The following NRG3 variants were observed in gnomAD, a reference collection of about 807,000 sequenced individuals.
NRG3 encodes the protein neuregulin 3, also known as pro-neuregulin-3, membrane-bound isoform.
In NRG3, 31 loss-of-function variants were observed where a neutral mutation model predicts 66.9. That is an observed-to-expected ratio of 0.46 (90% CI 0.35 to 0.63). NRG3 has a LOEUF of 0.63. Among genes scored for constraint, NRG3 ranks in the 20% least tolerant of loss-of-function variants. The pLI is 0.00. For synonymous variants in NRG3, 393 were observed against 359.4 expected (o/e 1.09, Z -1.06); for missense variants, 910 against 878.9 (o/e 1.04, Z -0.45).
chr10:81,991,267 TC>T (rs1347319334), intron 1 of NRG3, among the ~76,000 whole-genome samples: 2 of 152,182 alleles, frequency 1.3e-5, no homozygotes, highest in Non-Finnish European at 2.9e-5. Context: ...ATATCTCTGA[TC>T]CTTTTTTGTT....
At chr10:82,802,043 G>A (rs148582121) in intron 3 of NRG3, among the ~76,000 whole-genome samples, 7 of 152,214 alleles carry the variant, frequency 4.6e-5, no homozygotes, top group Non-Finnish European at 1.0e-4. Context: ...CATTTAATTT[G>A]TTTCAAATAG....
intron 1 of NRG3, among the ~76,000 whole-genome samples, chr10:82,238,413 A>G (rs764624175): frequency 6.6e-6 from 1 of 152,162 alleles, no homozygotes; most frequent in Non-Finnish European, 1.5e-5. Flanking sequence ...TATTATCTCA[A>G]TTTTGCCAGT....
At chr10:82,297,764 G>A (rs1198065492) in intron 1 of NRG3, among the ~76,000 whole-genome samples, 2 of 152,100 alleles carry the variant, frequency 1.3e-5, no homozygotes, top group Non-Finnish European at 2.9e-5. Context: ...TAAGGCATAT[G>A]TGCTATTGCA....
intron 2 of NRG3, among the ~76,000 whole-genome samples, chr10:82,436,883 T>C (rs529963868): frequency 6.6e-6 from 1 of 152,318 alleles, no homozygotes; most frequent in Admixed American, 6.5e-5. Context: ...TTCTGGCTTA[T>C]AGAGTTTCTG....
At chr10:81,894,809 T>C (rs150569680) in intron 1 of NRG3, among the ~76,000 whole-genome samples, 201 of 152,198 alleles carry the variant, frequency 1.3e-3, no homozygotes, top group African/African-American at 4.7e-3. Flanking sequence ...TCCAAGGAAG[T>C]GTGGCCTATG....
intron 1 of NRG3, among the ~76,000 whole-genome samples, chr10:82,037,163 C>T (rs2062825228): frequency 6.6e-6 from 1 of 152,120 alleles, no homozygotes; most frequent in Admixed American, 6.6e-5. Context: ...ATCACTTCTT[C>T]ATCTGGTTGA....
intron 2 of NRG3, among the ~76,000 whole-genome samples, chr10:82,493,930 A>C (rs1404840415): frequency 6.6e-6 from 1 of 152,214 alleles, no homozygotes. Flanking sequence ...TGGGCAAAAG[A>C]CATGAACAAA....
chr10:82,846,532 G>A (rs1021743679), intron 3 of NRG3, among the ~76,000 whole-genome samples: 1 of 152,100 alleles, frequency 6.6e-6, no homozygotes, highest in Non-Finnish European at 1.5e-5. Context: ...AAAGAAGAAA[G>A]CTGTTTAATG....
chr10:82,171,156 G>A lies in NRG3; in HGVS notation c.824-187583G>A, dbSNP rs1489595820. On this transcript the variant is annotated intron_variant, in intron 1 of 8. Coordinates refer to ENST00000372141, the MANE Select transcript of NRG3 (RefSeq NM_001010848.4). ...ATTCAATCAATGTATTTGGTATGAAGTATTTCAAAAATAGAAGTCCCATTT... is the reference window on the plus strand; with the variant it reads ...ATTCAATCAATGTATTTGGTATGAAATATTTCAAAAATAGAAGTCCCATTT... 3.3e-5 allele frequency among the ~76,000 whole-genome samples: 5 copies of A among 151,922 alleles called. No individual in the cohort carries two copies. In the East Asian group the frequency reaches 9.7e-4, roughly 29 times the overall value.
chr10:82,208,245 T>C (rs568169955), intron 1 of NRG3, among the ~76,000 whole-genome samples: 1 of 152,280 alleles, frequency 6.6e-6, no homozygotes, highest in Admixed American at 6.5e-5. Flanking sequence ...TTGGACTATG[T>C]AACAATTACA....
At chr10:82,147,772 T>G (rs956025438) in intron 1 of NRG3, among the ~76,000 whole-genome samples, 1 of 152,222 alleles carries the variant, frequency 6.6e-6, no homozygotes, top group Non-Finnish European at 1.5e-5. Flanking sequence ...TACTAATTTA[T>G]TTCTGTGAAT....
At chr10:82,008,750 AT>A (rs562005859) in intron 1 of NRG3, among the ~76,000 whole-genome samples, 122 of 152,268 alleles carry the variant, frequency 8.0e-4, no homozygotes, top group African/African-American at 2.8e-3. Flanking sequence ...AAAGAAAAAA[AT>A]GTATTCATAA....
intron 3 of NRG3, among the ~76,000 whole-genome samples, chr10:82,830,803 G>A (rs1591653886): frequency 6.6e-6 from 1 of 152,110 alleles, no homozygotes; most frequent in African/African-American, 2.4e-5. Flanking sequence ...GTTATGCTAA[G>A]GTTGAGTTCC....
At chr10:82,375,427 C>T (rs1453435660) in intron 2 of NRG3, among the ~76,000 whole-genome samples, 1 of 151,896 alleles carries the variant, frequency 6.6e-6, no homozygotes, top group African/African-American at 2.4e-5. Context: ...GTCCCAGCTA[C>T]CAGGGAGGCT....
At chr10:81,890,035 G>A (rs925190526) in intron 1 of NRG3, among the ~76,000 whole-genome samples, 1 of 152,176 alleles carries the variant, frequency 6.6e-6, no homozygotes, top group Admixed American at 6.5e-5. Context: ...AAATGGCTGA[G>A]TCTTGTAAAA....
intron 2 of NRG3, among the ~76,000 whole-genome samples, chr10:82,656,423 T>G (rs1398976980): frequency 1.3e-5 from 2 of 152,130 alleles, no homozygotes; most frequent in East Asian, 3.9e-4. Context: ...TTAAACCAAT[T>G]ACATAGGTGT....
At chr10:82,321,226 C>T (rs369485608) in intron 1 of NRG3, among the ~76,000 whole-genome samples, 2 of 152,024 alleles carry the variant, frequency 1.3e-5, no homozygotes, top group Admixed American at 6.5e-5. Context: ...GTGTGCTCCC[C>T]CTCCAGTAAA....
intron 1 of NRG3, among the ~76,000 whole-genome samples, chr10:82,283,500 T>A (rs1304009112): frequency 2.0e-5 from 3 of 152,194 alleles, no homozygotes; most frequent in African/African-American, 7.2e-5. Flanking sequence ...TAGTTCAACC[T>A]ATATATAGCC....
rs2086067587 is a variant in NRG3 at position 82,387,352 on chromosome 10, C to T, written c.953+28484C>T. 3.3e-5 allele frequency among the ~76,000 whole-genome samples: 5 copies of T among 152,274 alleles called. No individual in the cohort carries two copies. The South Asian group carries it at 1.0e-3, about 32-fold the overall frequency. ...CAAGGAAAGAATGGAATGCACACAA[C>T]TGCTTTGATTGTCATTTCTATTTCC... On this transcript the variant is annotated intron_variant, in intron 2 of 8. Transcript: ENST00000372141.
Sources: gnomAD v4.1 joint callset for allele counts (sites outside exome capture counted in the v4.1 genomes callset) on GRCh38, gnomAD v4.1.1 for gene constraint, MANE v1.5 for transcripts, NCBI Gene and HGNC (gene_info 2026-07-23, HGNC 2026-07-21) for gene names.